The following SPMIP2 variants were observed in gnomAD, a reference collection of about 807,000 sequenced individuals.
SPMIP2 encodes the protein sperm microtubule inner protein 2.
At chr4:159,033,376 T>G in the SPMIP2 span, among the ~76,000 whole-genome samples, 1 of 152,238 alleles carries the variant, frequency 6.6e-6, no homozygotes, top group South Asian at 2.1e-4. Context: ...ACTATAATGG[T>G]GAATACATGG....
chr4:158,968,583 G>A, the SPMIP2 span, among the ~76,000 whole-genome samples: 103 of 152,132 alleles, frequency 6.8e-4, no homozygotes, highest in African/African-American at 2.2e-3. Context: ...GTATTCCTCC[G>A]AGTCCTTGAT....
the SPMIP2 span, among the ~76,000 whole-genome samples, chr4:159,048,362 T>G: frequency 6.6e-6 from 1 of 152,230 alleles, no homozygotes; most frequent in Non-Finnish European, 1.5e-5. Flanking sequence ...TGTGCTGCTC[T>G]CACGGCGCAT....
At chr4:158,895,838 A>G in the SPMIP2 span, 1 of 1,612,954 alleles carries the variant, frequency 6.2e-7, no homozygotes, top group Non-Finnish European at 8.5e-7. Context: ...ACACGAGTCC[A>G]TGTGAAAGAA....
the SPMIP2 span, among the ~76,000 whole-genome samples, chr4:158,932,987 G>A: frequency 1.3e-5 from 2 of 152,100 alleles, no homozygotes; most frequent in Non-Finnish European, 2.9e-5. Context: ...TATTCCCAGT[G>A]GTTTCTTGTT....
At chr4:158,986,496 C>T in the SPMIP2 span, among the ~76,000 whole-genome samples, 8 of 142,280 alleles carry the variant, frequency 5.6e-5, no homozygotes, top group South Asian at 9.2e-4. Flanking sequence ...CTACAGCTAT[C>T]TGATCTTTGA....
the SPMIP2 span, among the ~76,000 whole-genome samples, chr4:159,033,669 C>T: frequency 5.8e-4 from 89 of 152,250 alleles, no homozygotes; most frequent in African/African-American, 2.1e-3. Flanking sequence ...CAAAGTCCTT[C>T]TCACAGGAGT....
the SPMIP2 span, among the ~76,000 whole-genome samples, chr4:159,005,339 T>G: frequency 1 from 151,921 of 152,126 alleles, 75,859 homozygotes; most frequent in East Asian, 1. Context: ...AGCTACTCAG[T>G]AGGCTGGGGC....
At chr4:158,904,869 C>A in the SPMIP2 span, 1 of 261,350 alleles carries the variant, frequency 3.8e-6, no homozygotes, top group Non-Finnish European at 7.5e-6. Context: ...GCTGTTTGGG[C>A]AGAATAAAGA....
the SPMIP2 span, among the ~76,000 whole-genome samples, chr4:158,917,065 A>G: frequency 2.6e-5 from 4 of 152,194 alleles, no homozygotes; most frequent in Non-Finnish European, 5.9e-5. Flanking sequence ...CCTGGCCAAC[A>G]TGGCAAAACC....
At chr4:158,951,125 A>G in the SPMIP2 span, among the ~76,000 whole-genome samples, 2 of 152,216 alleles carry the variant, frequency 1.3e-5, no homozygotes, top group Non-Finnish European at 2.9e-5. Context: ...TCTTGATGGT[A>G]GGTGCCAGAC....
chr4:158,989,578 A>G, the SPMIP2 span, among the ~76,000 whole-genome samples: 2 of 152,170 alleles, frequency 1.3e-5, no homozygotes, highest in Non-Finnish European at 2.9e-5. Context: ...ATAACACCAT[A>G]CACCTACAAC....
At chr4:158,970,561 A>G in the SPMIP2 span, among the ~76,000 whole-genome samples, 2 of 151,552 alleles carry the variant, frequency 1.3e-5, no homozygotes, top group Admixed American at 1.3e-4. Flanking sequence ...ACAAAAAAAA[A>G]AGATTTTGAT....
At chr4:158,911,439 T>C in the SPMIP2 span, among the ~76,000 whole-genome samples, 1 of 152,194 alleles carries the variant, frequency 6.6e-6, no homozygotes, top group Non-Finnish European at 1.5e-5. Context: ...ATTCATCTTC[T>C]CCAGCCTCAT....
the SPMIP2 span, among the ~76,000 whole-genome samples, chr4:158,935,337 A>T: frequency 6.6e-6 from 1 of 152,202 alleles, no homozygotes; most frequent in African/African-American, 2.4e-5. Context: ...AGCATGCCTC[A>T]GTGTCTACCC....
At chr4:159,053,036 A>G in the SPMIP2 span, among the ~76,000 whole-genome samples, 2 of 139,000 alleles carry the variant, frequency 1.4e-5, no homozygotes, top group African/African-American at 5.4e-5. Context: ...GGCTCACTGC[A>G]AGCTCCGCCT....
At chr4:158,965,251 T>A in the SPMIP2 span, among the ~76,000 whole-genome samples, 2 of 3,444 alleles carry the variant, frequency 5.8e-4, no homozygotes, top group Non-Finnish European at 7.5e-3. Flanking sequence ...TACACCAGGA[T>A]TTTTTTTTTT....
At chr4:159,016,255 A>G in the SPMIP2 span, among the ~76,000 whole-genome samples, 1 of 152,344 alleles carries the variant, frequency 6.6e-6, no homozygotes, top group Non-Finnish European at 1.5e-5. Context: ...GACCATTATG[A>G]CATCCTATTG....
At chr4:158,927,626 C>T in the SPMIP2 span, among the ~76,000 whole-genome samples, 1 of 152,202 alleles carries the variant, frequency 6.6e-6, no homozygotes, top group Non-Finnish European at 1.5e-5. Flanking sequence ...TTCAGCCCAC[C>T]GCTGCACTGT....
the SPMIP2 span, among the ~76,000 whole-genome samples, chr4:158,896,920 C>G: frequency 6.6e-6 from 1 of 151,628 alleles, no homozygotes; most frequent in Non-Finnish European, 1.5e-5. Flanking sequence ...TAGGTATACA[C>G]GTGCCATGGT....
Sources: allele counts gnomAD v4.1 joint callset (sites outside exome capture counted in the v4.1 genomes callset), GRCh38; gene constraint gnomAD v4.1.1; transcripts MANE v1.5; gene names NCBI Gene and HGNC (gene_info 2026-07-23, HGNC 2026-07-21).